TPPP: variants seen among roughly 807,000 people sequenced by gnomAD.
The protein encoded by TPPP is tubulin polymerization promoting protein.
Under a neutral mutation model 15.5 loss-of-function variants are expected in TPPP, and 6 were observed. The ratio of observed to expected loss-of-function variants is 0.39; its 90% CI spans 0.21 to 0.77. The LOEUF is 0.77. Among genes scored for constraint, TPPP ranks in the 30% least tolerant of loss-of-function variants. The probability of loss-of-function intolerance (pLI) is 0.42; values close to 1 mark genes in which losing one functional copy is unlikely to be tolerated. For synonymous variants in TPPP, 146 were observed against 133.9 expected, an observed-to-expected ratio of 1.09 and a Z score of -0.63; for missense variants, 269 against 307.2, an observed-to-expected ratio of 0.88 and a Z score of 0.93.
At position 687,111 on chromosome 5, in the gene TPPP, C is replaced by T. The variant is rs1390166830; in HGVS notation, c.-5+6167G>A. Among the ~76,000 whole-genome samples the T allele has an allele frequency of 1.5e-5, 2 of 129,096 alleles. 1 individual carries two copies. Among genetic ancestry groups the T allele is most frequent in the Admixed American group, 1.6e-4 (2 of 12,614 alleles). 84.7% of individuals were successfully genotyped at this position (129,096 alleles called of 152,430 possible). On this transcript the variant is annotated intron_variant, in intron 1 of 3. Coordinates refer to ENST00000360578, the MANE Select transcript of TPPP (RefSeq NM_007030.3). ...GGGGCTGCAGTGACGCAGCCACACG[C>T]CCAGGACAACTGGAGCCACCAGAAG... is the stretch of plus-strand genomic sequence containing the variant.
chr5:667,893 C>T (rs1382753434), intron 2 of TPPP, among the ~76,000 whole-genome samples: 2 of 81,542 alleles, frequency 2.5e-5, no homozygotes, highest in Non-Finnish European at 4.5e-5. Flanking sequence ...GAGAGGGGGC[C>T]GTGTGGGCGC....
At chr5:678,187 C>G (rs1740516686) in intron 1 of TPPP, 123 bp from the exon 2 acceptor site, 2 of 1,042,938 alleles carry the variant, frequency 1.9e-6, no homozygotes, top group Non-Finnish European at 1.4e-6. Context: ...GATGGGCAGG[C>G]CCTCCTGGGG....
chr5:674,813 G>A (rs1211240777), intron 2 of TPPP, among the ~76,000 whole-genome samples: 3 of 151,750 alleles, frequency 2.0e-5, no homozygotes, highest in East Asian at 1.9e-4. Context: ...TGTCCTCCAG[G>A]CAGCGGCTGA....
At chr5:668,266 CGG>C (rs1173576481) in intron 2 of TPPP, among the ~76,000 whole-genome samples, 1 of 43,044 alleles carries the variant, frequency 2.3e-5, no homozygotes, top group Non-Finnish European at 4.1e-5. Flanking sequence ...GACAAGCACA[CGG>C]AGAGGGGTCC....
At chr5:674,282 C>T (rs1740328434) in intron 2 of TPPP, among the ~76,000 whole-genome samples, 1 of 138,516 alleles carries the variant, frequency 7.2e-6, no homozygotes, top group South Asian at 2.1e-4. Flanking sequence ...GGAGCAGCTG[C>T]CAGGGCCCAG....
At position 664,985 on chromosome 5, in the gene TPPP, C is replaced by G; in HGVS notation, c.*117G>C. ...GCCTGGGCCTGGCCGCCCCCCAGCC[C>G]CCTCTGGGGCACCCGTCTGAGTTCT... is the stretch of plus-strand genomic sequence containing the variant. On this transcript the variant is annotated 3_prime_UTR_variant, in exon 4 of 4. Transcript: ENST00000360578. 1 of 1,299,296 alleles carries G rather than the reference C, an allele frequency of 7.7e-7. No individual in the cohort carries two copies. The highest frequency in any genetic ancestry group is 1.1e-6 in the Non-Finnish European group (1 of 948,842). The allele number at this position is 1,299,296 out of a possible 1,614,324, so 80.5% of individuals were successfully genotyped here.
chr5:696,760 G>T (rs545089026), upstream of TPPP, among the ~76,000 whole-genome samples: 3 of 79,756 alleles, frequency 3.8e-5, no homozygotes, highest in Non-Finnish European at 5.9e-5. Context: ...ACATGCATGC[G>T]TGTGTTTGTG....
At chr5:665,827 C>A in intron 3 of TPPP, 143 bp downstream of exon 3, 1 of 988,642 alleles carries the variant, frequency 1.0e-6, no homozygotes, top group Admixed American at 2.6e-5. Flanking sequence ...GCCACGCCCT[C>A]CTGACCACGC....
chr5:698,190 G>C (rs630529), upstream of TPPP, among the ~76,000 whole-genome samples: 2 of 151,338 alleles, frequency 1.3e-5, no homozygotes, highest in African/African-American at 2.4e-5. Context: ...TCATATGACA[G>C]ATCCACAGCC....
At chr5:676,966 CAG>C (rs1261160305) in intron 2 of TPPP, among the ~76,000 whole-genome samples, 17 of 147,194 alleles carry the variant, frequency 1.2e-4, no homozygotes, top group East Asian at 2.0e-4. Context: ...CACGTGCACA[CAG>C]AAACGCACAC....
chr5:700,188 A>G, the TPPP span, among the ~76,000 whole-genome samples: 1 of 152,116 alleles, frequency 6.6e-6, no homozygotes, highest in East Asian at 1.9e-4. Context: ...AAATGGATGA[A>G]CCTAAGCATC....
At chr5:700,130 A>G in the TPPP span, among the ~76,000 whole-genome samples, 1 of 152,004 alleles carries the variant, frequency 6.6e-6, no homozygotes, top group East Asian at 1.9e-4. Flanking sequence ...TATATCAAAA[A>G]CCACCTGCAC....
At chr5:679,169 A>G (rs1740546793) in intron 1 of TPPP, among the ~76,000 whole-genome samples, 1 of 152,140 alleles carries the variant, frequency 6.6e-6, no homozygotes, top group Non-Finnish European at 1.5e-5. Context: ...TCATGGCCAA[A>G]GTGTGGCTCT....
At chr5:674,121 G>A (rs370436433) in intron 2 of TPPP, among the ~76,000 whole-genome samples, 7 of 152,190 alleles carry the variant, frequency 4.6e-5, no homozygotes, top group African/African-American at 1.4e-4. Context: ...CCTACCTCCC[G>A]CCCAGCCCTT....
chr5:693,688 C>A (rs957657752), upstream of TPPP, among the ~76,000 whole-genome samples: 8 of 151,502 alleles, frequency 5.3e-5, no homozygotes, highest in Non-Finnish European at 1.2e-4. Context: ...ACGACCGGAC[C>A]CCGATCTCTC....
chr5:695,666 G>A (rs1435374812), upstream of TPPP, among the ~76,000 whole-genome samples: 1 of 151,744 alleles, frequency 6.6e-6, no homozygotes, highest in Non-Finnish European at 1.5e-5. Flanking sequence ...CTCTGCCCCT[G>A]TCCTCACGGG....
intron 2 of TPPP, among the ~76,000 whole-genome samples, chr5:670,919 A>G (rs1046695972): frequency 7.2e-5 from 11 of 152,192 alleles, no homozygotes; most frequent in African/African-American, 2.2e-4. Flanking sequence ...TTCTCCCCTC[A>G]TCTCAGGAAA....
In TPPP at chr5:660,051, C is replaced by G. The variant is rs1739516379; in HGVS notation, c.*5051G>C. On this transcript the variant is annotated 3_prime_UTR_variant, in exon 4 of 4. Coordinates refer to ENST00000360578, the MANE Select transcript of TPPP (RefSeq NM_007030.3). ...AGGAGGAACAGCAGGGCCACCCCACCCCGCGGACGTCCGCGGTGAGTGCGG... is the reference window on the plus strand; with the variant it reads ...AGGAGGAACAGCAGGGCCACCCCACGCCGCGGACGTCCGCGGTGAGTGCGG... 1 of 152,372 alleles carries G rather than the reference C, an allele frequency of 6.6e-6. No individual in the cohort carries two copies. Among genetic ancestry groups the G allele is most frequent in the Admixed American group, 6.5e-5 (1 of 15,280 alleles). The allele number at this position is 152,372 out of a possible 1,614,324, so 9.4% of individuals were successfully genotyped here.
intron 2 of TPPP, among the ~76,000 whole-genome samples, chr5:671,310 TTGG>T (rs1740215359): frequency 6.6e-6 from 1 of 152,086 alleles, no homozygotes; most frequent in Non-Finnish European, 1.5e-5. Context: ...GAGGTGGCCC[TTGG>T]TGGGACGTGG....
Sources: allele counts gnomAD v4.1 joint callset (sites outside exome capture counted in the v4.1 genomes callset), GRCh38; gene constraint gnomAD v4.1.1; transcripts MANE v1.5; gene names NCBI Gene and HGNC (gene_info 2026-07-23, HGNC 2026-07-21).